The following WWOX variants were observed in gnomAD, a reference collection of about 807,000 sequenced individuals.
WWOX encodes WW domain-containing oxidoreductase.
In WWOX, 69 loss-of-function variants were observed where a neutral mutation model predicts 46.2. That is an observed-to-expected ratio of 1.49 (90% CI 1.23 to 1.82). WWOX has a LOEUF of 1.82. Among genes scored for constraint, WWOX ranks in the 40% most tolerant of loss-of-function variants. The pLI, the probability that WWOX is intolerant of heterozygous loss-of-function variation, is 0.00. For synonymous variants in WWOX, 359 were observed against 202.6 expected, an observed-to-expected ratio of 1.77 and a Z score of -6.56; for missense variants, 919 against 542.6, an observed-to-expected ratio of 1.69 and a Z score of -6.89.
intron 8 of WWOX, among the ~76,000 whole-genome samples, chr16:79,088,752 C>G (rs557986647): frequency 6.6e-6 from 1 of 152,232 alleles, no homozygotes; most frequent in Admixed American, 6.5e-5. Flanking sequence ...TTGCTACTTA[C>G]CGTGGGCTGC....
chr16:78,405,876 A>G (rs2082517859), intron 6 of WWOX, among the ~76,000 whole-genome samples: 1 of 152,174 alleles, frequency 6.6e-6, no homozygotes, highest in South Asian at 2.1e-4. Flanking sequence ...AGGCAGACAC[A>G]GGTGACGAAG....
chr16:78,554,855 A>G (rs1006756967), intron 8 of WWOX, among the ~76,000 whole-genome samples: 1 of 152,172 alleles, frequency 6.6e-6, no homozygotes, highest in Non-Finnish European at 1.5e-5. Context: ...CTTTCTGAAG[A>G]CAGAGGTGGG....
chr16:78,944,744 T>C lies in WWOX; in HGVS notation c.1057-266864T>C, dbSNP rs546684280. ...CCTCCTAGGACTGCACTGCTGCTTA[T>C]GACACTGATCCTTAGCCCATCTAAG... On this transcript the variant is annotated intron_variant, in intron 8 of 8. Coordinates refer to ENST00000566780, the MANE Select transcript of WWOX (RefSeq NM_016373.4). Among the ~76,000 whole-genome samples the C allele has an allele frequency of 3.9e-3, 593 of 152,308 alleles. 1 individual carries two copies. The highest frequency in any genetic ancestry group is 0.01 in the Middle Eastern group (3 of 294).
chr16:78,114,504 G>C (rs762579878), intron 3 of WWOX, among the ~76,000 whole-genome samples: 3 of 152,146 alleles, frequency 2.0e-5, no homozygotes, highest in Non-Finnish European at 2.9e-5. Context: ...AAAATCGTTA[G>C]AATTTTGGTA....
chr16:78,108,613 A>T (rs1010392975), intron 2 of WWOX, 126 bp downstream of exon 2: 1 of 999,750 alleles, frequency 1.0e-6, no homozygotes, highest in African/African-American at 1.6e-5. Flanking sequence ...CCAGACTCCC[A>T]CTCTGAGGAG....
chr16:78,297,116 G>C (rs986888043), intron 5 of WWOX, among the ~76,000 whole-genome samples: 5 of 152,096 alleles, frequency 3.3e-5, no homozygotes, highest in Admixed American at 2.0e-4. Flanking sequence ...TGGCTCTCTG[G>C]CCTCTGGGTT....
At chr16:79,172,172 T>G (rs925394571) in intron 8 of WWOX, among the ~76,000 whole-genome samples, 2 of 152,184 alleles carry the variant, frequency 1.3e-5, no homozygotes, top group Non-Finnish European at 2.9e-5. Context: ...CATGAACTTC[T>G]CTCATTTCCT....
intron 8 of WWOX, among the ~76,000 whole-genome samples, chr16:79,066,296 C>T (rs573927119): frequency 2.0e-5 from 3 of 152,320 alleles, no homozygotes; most frequent in East Asian, 1.9e-4. Context: ...TCCTCCCGCA[C>T]ACTGAGCACA....
chr16:78,855,343 G>T (rs1402660160), intron 8 of WWOX, among the ~76,000 whole-genome samples: 1 of 152,118 alleles, frequency 6.6e-6, no homozygotes, highest in East Asian at 1.9e-4. Context: ...CTGAGTGGGT[G>T]TCTAATTTAG....
intron 5 of WWOX, among the ~76,000 whole-genome samples, chr16:78,307,506 T>C (rs765753368): frequency 1.2e-4 from 18 of 152,152 alleles, no homozygotes; most frequent in Non-Finnish European, 4.4e-5. Context: ...GAGGCAACAA[T>C]CTGGTGGCTT....
chr16:78,146,397 C>T (rs967462342), intron 4 of WWOX, among the ~76,000 whole-genome samples: 5 of 152,002 alleles, frequency 3.3e-5, no homozygotes, highest in Non-Finnish European at 7.4e-5. Flanking sequence ...TCTTTTTGGC[C>T]CAGAAGCAGC....
intron 6 of WWOX, among the ~76,000 whole-genome samples, chr16:78,388,893 C>T (rs929572684): frequency 4.7e-5 from 7 of 149,892 alleles, no homozygotes; most frequent in Admixed American, 1.3e-4. Flanking sequence ...GGCTTGAACC[C>T]GGGAGGTGGA....
intron 8 of WWOX, among the ~76,000 whole-genome samples, chr16:79,166,735 C>T (rs1216139183): frequency 6.6e-6 from 1 of 152,198 alleles, no homozygotes; most frequent in African/African-American, 2.4e-5. Context: ...AGCACCTGCT[C>T]AGATTATTCA....
chr16:78,230,832 C>T (rs963153777), intron 5 of WWOX, among the ~76,000 whole-genome samples: 2 of 152,324 alleles, frequency 1.3e-5, no homozygotes, highest in African/African-American at 4.8e-5. Flanking sequence ...TGTGTTCTCA[C>T]ACCAATGGTA....
At chr16:79,165,310 G>A (rs768577094) in intron 8 of WWOX, among the ~76,000 whole-genome samples, 3 of 152,146 alleles carry the variant, frequency 2.0e-5, no homozygotes, top group Non-Finnish European at 4.4e-5. Context: ...ACATGGGTGC[G>A]TATATGTTAC....
chr16:78,835,349 G>A (rs934661752), intron 8 of WWOX, among the ~76,000 whole-genome samples: 4 of 152,182 alleles, frequency 2.6e-5, no homozygotes, highest in South Asian at 4.1e-4. Context: ...AGTAAATAGA[G>A]GCTTTAAATC....
chr16:78,950,894 G>T (rs757347634), intron 8 of WWOX, among the ~76,000 whole-genome samples: 8 of 152,114 alleles, frequency 5.3e-5, no homozygotes, highest in Non-Finnish European at 1.0e-4. Flanking sequence ...CAGAGGTGTG[G>T]TAGCTGAAGG....
intron 5 of WWOX, among the ~76,000 whole-genome samples, chr16:78,226,482 T>C (rs1213393775): frequency 4.5e-5 from 6 of 134,216 alleles, no homozygotes; most frequent in Admixed American, 8.0e-5. Context: ...CTGTCCTGTC[T>C]TCCCTCCCTC....
intron 8 of WWOX, among the ~76,000 whole-genome samples, chr16:78,590,352 A>G (rs1453779214): frequency 1.3e-5 from 2 of 152,150 alleles, no homozygotes; most frequent in South Asian, 2.1e-4. Flanking sequence ...ATATTCTAAG[A>G]GGAATCTGAA....
Sources: allele counts gnomAD v4.1 joint callset (sites outside exome capture counted in the v4.1 genomes callset), GRCh38; gene constraint gnomAD v4.1.1; transcripts MANE v1.5; gene names NCBI Gene and HGNC (gene_info 2026-07-23, HGNC 2026-07-21).